Variants in RARB observed in about 807,000 individuals in gnomAD.
The protein encoded by RARB is retinoic acid receptor beta, also known as HBV-activated protein.
Under a neutral mutation model 51.9 loss-of-function variants are expected in RARB, and 17 were observed. The observed-to-expected ratio is 0.33, with a 90% CI of 0.22 to 0.49. The LOEUF is 0.49. Ranked by LOEUF, RARB falls within the 20% of genes least tolerant of loss-of-function variation. RARB has a pLI of 0.99. For missense variants in RARB, 369 were observed against 550.8 expected (o/e 0.67, Z 3.30); for synonymous variants, 215 against 195.4 (o/e 1.10, Z -0.84).
At chr3:25,064,377 T>C (rs997847428) in intron 3 of RARB, among the ~76,000 whole-genome samples, 2 of 152,174 alleles carry the variant, frequency 1.3e-5, no homozygotes, top group African/African-American at 2.4e-5. Context: ...CTTTTTGATA[T>C]ACAGCTTCAA....
At chr3:24,950,163 AT>A (rs1469303070) in intron 2 of RARB, among the ~76,000 whole-genome samples, 2 of 152,150 alleles carry the variant, frequency 1.3e-5, no homozygotes, top group Non-Finnish European at 2.9e-5. Context: ...TTTCATTTTC[AT>A]TCTGTGTTTT....
rs150015618 is a variant in RARB at position 25,534,782 on chromosome 3, T to C, written c.448+33459T>C. 1.9e-3 allele frequency among the ~76,000 whole-genome samples: 288 copies of C among 152,328 alleles called. 1 individual carries two copies. Among genetic ancestry groups the C allele is most frequent in the African/African-American group, 6.3e-3 (262 of 41,574 alleles). On this transcript the variant is annotated intron_variant, in intron 3 of 7. Coordinates refer to ENST00000330688, the MANE Select transcript of RARB (RefSeq NM_000965.5). ...TTTGGGACTAGCACCTAAGCCATCATCTTTAACTAAAAGATGGGACAGGCT... is the reference window on the plus strand; with the variant it reads ...TTTGGGACTAGCACCTAAGCCATCACCTTTAACTAAAAGATGGGACAGGCT...
chr3:24,970,575 AC>A (rs1696375127), intron 2 of RARB, among the ~76,000 whole-genome samples: 3 of 1,654 alleles, frequency 1.8e-3, no homozygotes, highest in Non-Finnish European at 2.5e-3. Context: ...AGTCATGTAA[AC>A]ACACACACAC....
At chr3:25,422,254 C>A (rs558125363) in intron 5 of RARB, among the ~76,000 whole-genome samples, 3 of 152,194 alleles carry the variant, frequency 2.0e-5, no homozygotes, top group African/African-American at 7.2e-5. Flanking sequence ...GCAAAGCACT[C>A]TTAGAATCCT....
At chr3:25,481,858 G>A (rs1696238628) in intron 2 of RARB, among the ~76,000 whole-genome samples, 1 of 152,120 alleles carries the variant, frequency 6.6e-6, no homozygotes, top group South Asian at 2.1e-4. Context: ...TTTTTTGACT[G>A]CTTATGCTCT....
chr3:25,161,298 C>T (rs538519185), intron 4 of RARB, among the ~76,000 whole-genome samples: 95 of 152,004 alleles, frequency 6.2e-4, no homozygotes, highest in African/African-American at 2.2e-3. Context: ...TCTCCTGCCT[C>T]AGCCTCCCAA....
intron 5 of RARB, among the ~76,000 whole-genome samples, chr3:25,201,241 T>G (rs1701382159): frequency 6.6e-6 from 1 of 152,198 alleles, no homozygotes; most frequent in South Asian, 2.1e-4. Flanking sequence ...TTTCTGTTAT[T>G]GCTGTATAAG....
rs192156536 is a variant in RARB, at chr3:24,916,448, A to G, written c.-380+57696A>G. The stretch of plus-strand genomic sequence containing the variant: ...GTATTCCTAGATGCTTCTAAGGAGA[A>G]GGTCCTGGTCTCCTCTGTTAGCAGA... On this transcript the variant is annotated intron_variant, in intron 2 of 11. Coordinates refer to the RARB transcript ENST00000383772. Among the ~76,000 whole-genome samples the G allele has an allele frequency of 1.9e-4, 29 of 152,230 alleles. 1 individual carries two copies. Among genetic ancestry groups the G allele is most frequent in the Admixed American group, 8.5e-4 (13 of 15,286 alleles).
intron 1 of RARB, among the ~76,000 whole-genome samples, chr3:25,438,792 G>A (rs1223795786): frequency 3.3e-5 from 5 of 152,090 alleles, no homozygotes; most frequent in African/African-American, 7.2e-5. Flanking sequence ...AAACACCATC[G>A]AGTGTTTTGG....
chr3:25,443,441 TAG>T (rs989170510), intron 1 of RARB, among the ~76,000 whole-genome samples: 25 of 150,522 alleles, frequency 1.7e-4, no homozygotes, highest in Non-Finnish European at 2.4e-4. Context: ...GGCCTATCCC[TAG>T]AAATGGTGTG....
intron 2 of RARB, among the ~76,000 whole-genome samples, chr3:24,912,917 CTT>C (rs1695020283): frequency 6.8e-6 from 1 of 147,144 alleles, no homozygotes; most frequent in South Asian, 2.2e-4. Context: ...TATGTTGTCT[CTT>C]AAGAAAATGT....
intron 3 of RARB, among the ~76,000 whole-genome samples, chr3:25,529,664 G>A (rs1365878816): frequency 6.6e-6 from 1 of 152,036 alleles, no homozygotes; most frequent in Non-Finnish European, 1.5e-5. Flanking sequence ...GGGGGTGTTG[G>A]AACTATTCCA....
At chr3:25,022,739 A>G (rs989250187) in intron 2 of RARB, among the ~76,000 whole-genome samples, 2 of 152,170 alleles carry the variant, frequency 1.3e-5, no homozygotes, top group African/African-American at 2.4e-5. Flanking sequence ...TATGTAGTTA[A>G]CAAGATGACA....
intron 5 of RARB, among the ~76,000 whole-genome samples, chr3:25,357,797 G>T (rs145020557): frequency 7.3e-5 from 11 of 150,530 alleles, no homozygotes; most frequent in South Asian, 4.2e-4. Flanking sequence ...GTTTTTGTCC[G>T]GTCAAAGATC....
chr3:25,070,141 T>C (rs1698740188), intron 3 of RARB, among the ~76,000 whole-genome samples: 1 of 152,200 alleles, frequency 6.6e-6, no homozygotes, highest in Admixed American at 6.5e-5. Context: ...ATTACTCCAA[T>C]CTCTGCCTTC....
intron 1 of RARB, among the ~76,000 whole-genome samples, chr3:24,838,996 T>A (rs1156268277): frequency 6.6e-6 from 1 of 151,870 alleles, no homozygotes; most frequent in Non-Finnish European, 1.5e-5. Flanking sequence ...TAATATATTA[T>A]GGGATGAAAT....
intron 2 of RARB, among the ~76,000 whole-genome samples, chr3:24,931,949 T>C (rs930025484): frequency 1.2e-4 from 18 of 152,128 alleles, no homozygotes; most frequent in East Asian, 3.9e-4. Context: ...TCCAGACTTA[T>C]GTTTCTAAAC....
chr3:25,151,556 T>C (rs904593), intron 4 of RARB, among the ~76,000 whole-genome samples: 115,231 of 152,142 alleles, frequency 0.76, 43,735 homozygotes, highest in Admixed American at 0.8. Context: ...AAACAGAACC[T>C]ACTAATTAAG....
At chr3:25,066,878 C>T (rs910341825) in intron 3 of RARB, among the ~76,000 whole-genome samples, 9 of 152,216 alleles carry the variant, frequency 5.9e-5, no homozygotes, top group African/African-American at 1.7e-4. Flanking sequence ...CTTGGCTCAC[C>T]GGTCTGGTCA....
Sources: allele counts gnomAD v4.1 joint callset (sites outside exome capture counted in the v4.1 genomes callset), GRCh38; gene constraint gnomAD v4.1.1; transcripts MANE v1.5; gene names NCBI Gene and HGNC (gene_info 2026-07-23, HGNC 2026-07-21).